Variants in AHDC1 observed in about 807,000 individuals in gnomAD.
The protein encoded by AHDC1 is transcription factor Gibbin.
AHDC1 carries 7 observed loss-of-function variants against 87.9 expected under a neutral mutation model. The observed-to-expected ratio is 0.08, with a 90% CI of 0.05 to 0.15. AHDC1 has a LOEUF of 0.15. AHDC1 is among the 10% of genes least tolerant of loss of function. The pLI, the probability that AHDC1 is intolerant of heterozygous loss-of-function variation, is 1.00. For missense variants in AHDC1, 1,841 were observed against 2,253.2 expected (o/e 0.82, Z 3.70); for synonymous variants, 1,051 against 1,006.8 (o/e 1.04, Z -0.83).
rs749024282 is a variant in AHDC1 at position 27,551,554 on chromosome 1, C to T, written c.562G>A (p.Ala188Thr). The T allele has an allele frequency of 8.1e-6, 13 of 1,607,258 alleles. No homozygotes were observed. The highest frequency in any genetic ancestry group is 3.3e-5 in the Admixed American group (2 of 59,826). ...RSPEERATPH[A>T]KSERPSHPLY... ...GGATGGCTGGGCCGCTCCGACTTGGCGTGTGGGGTGGCCCGCTCCTCAGGG... is the reference window on the plus strand; with the variant it reads ...GGATGGCTGGGCCGCTCCGACTTGGTGTGTGGGGTGGCCCGCTCCTCAGGG... Residue 188 changes from alanine to threonine, a missense_variant, in exon 8 of 9, where the codon GCC (alanine) becomes ACC (threonine). Transcript: ENST00000673934.
At position 27,549,870 on chromosome 1, in the gene AHDC1, G is replaced by A. The variant is rs1320028301; in HGVS notation, c.2246C>T (p.Thr749Ile). Residue 749 changes from threonine (T) to isoleucine (I), a missense_variant, in exon 8 of 9, where the codon ACT (threonine) becomes ATT (isoleucine). Around this residue, in one of 13 missense-constraint regions of AHDC1, gnomAD observed 236 missense variants for 257.9 expected, o/e 0.92. Coordinates refer to ENST00000673934, the MANE Select transcript of AHDC1 (RefSeq NM_001371928.1). ...KRKRRSRKNG[T>I]LFPEQVPSGP... Reference sequence around the variant, plus strand: ...ACTGGGCACCTGCTCTGGGAACAGAGTCCCATTCTTCCGGGACCGTCTCTT... The same window carrying A: ...ACTGGGCACCTGCTCTGGGAACAGAATCCCATTCTTCCGGGACCGTCTCTT... 6.2e-7 allele frequency: 1 copy of A among 1,613,578 alleles called. No homozygotes were observed. Among genetic ancestry groups the A allele is most frequent in the Non-Finnish European group, 8.5e-7 (1 of 1,179,750 alleles).
At position 27,561,777 on chromosome 1, in the gene AHDC1, T is replaced by C. The variant is rs189025128; in HGVS notation, c.-628-2894A>G. Among the ~76,000 whole-genome samples the C allele has an allele frequency of 4.9e-4, 72 of 146,656 alleles. No individual in the cohort carries two copies. Among genetic ancestry groups the C allele is most frequent in the Non-Finnish European group, 9.7e-4 (64 of 66,266 alleles). ...AGATACACAGGGAGACACAGAGACA[T>C]GGGGAGAGAAACAGAGACAGAGAGA... On this transcript the variant is annotated intron_variant, in intron 3 of 8. Coordinates refer to ENST00000673934, the MANE Select transcript of AHDC1 (RefSeq NM_001371928.1). The surrounding 1 kb of genome is among the most constrained non-coding windows in gnomAD (Gnocchi z 4.2).
Position 27,548,706 on chromosome 1 carries a change from C to T in AHDC1, c.3410G>A (p.Ser1137Asn), listed in dbSNP as rs548916155. The stretch of plus-strand genomic sequence containing the variant: ...GATGTCCAGGATCACGTTGGGCTCG[C>T]TGACGTGGCAGTCAAAACTGGGATT... ...LYNPSFDCHV[S>N]EPNVILDISN... Residue 1137 changes from serine (S) to asparagine (N), a missense_variant, in exon 8 of 9, where the codon AGC becomes AAC. By Grantham distance (46) the Ser-to-Asn change is conservative (BLOSUM62 1). Transcript: ENST00000673934. 1 of 1,613,384 alleles carries T rather than the reference C, an allele frequency of 6.2e-7. No homozygotes were observed. The highest frequency in any genetic ancestry group is 2.2e-5 in the East Asian group (1 of 44,888).
intron 5 of AHDC1, among the ~76,000 whole-genome samples, chr1:27,554,268 C>G (rs564176035): frequency 2.6e-5 from 4 of 152,304 alleles, no homozygotes; most frequent in African/African-American, 9.6e-5. Context: ...CTCTGCTGCT[C>G]CATCCTACCT....
In AHDC1 at chr1:27,588,596, C is replaced by T. The variant is rs151155813; in HGVS notation, c.-629+14801G>A. Among the ~76,000 whole-genome samples the T allele has an allele frequency of 7.2e-5, 11 of 152,260 alleles. No homozygotes were observed. In the East Asian group the frequency reaches 2.1e-3, roughly 29 times the overall value. On this transcript the variant is annotated intron_variant, in intron 3 of 8. Coordinates refer to ENST00000673934, the MANE Select transcript of AHDC1 (RefSeq NM_001371928.1). ...GTCAGGGCTAATCTGCAGCAGGCCA[C>T]ACTCTTGGCAGAGAGAGTGTTTATG...
rs1399025811 is a variant in AHDC1, at chr1:27,598,640, C to T, written c.-629+4757G>A. Among the ~76,000 whole-genome samples the T allele has an allele frequency of 1.3e-5, 2 of 152,176 alleles. No homozygotes were observed. The highest frequency in any genetic ancestry group is 1.3e-4 in the Admixed American group (2 of 15,290). On this transcript the variant is annotated intron_variant, in intron 3 of 8. Transcript: ENST00000673934. The surrounding 1 kb of genome is among the most constrained non-coding windows in gnomAD (Gnocchi z 4.2). Reference sequence around the variant, plus strand: ...GCCAACTGCACTGGGGCCATTCCCACCTCCATCTACCCATAGGGACGTGGG... The same window carrying T: ...GCCAACTGCACTGGGGCCATTCCCATCTCCATCTACCCATAGGGACGTGGG...
At chr1:27,544,081 T>C (rs1381209240) in intron 8 of AHDC1, among the ~76,000 whole-genome samples, 1 of 152,108 alleles carries the variant, frequency 6.6e-6, no homozygotes, top group Non-Finnish European at 1.5e-5. Context: ...TGGGTTCTAA[T>C]CCTGGCTCCA....
chr1:27,536,639 C>A (rs1052086389), intron 8 of AHDC1, among the ~76,000 whole-genome samples: 1 of 152,070 alleles, frequency 6.6e-6, no homozygotes, highest in Non-Finnish European at 1.5e-5. Flanking sequence ...TGAGCCAGAG[C>A]GCTGGGGGCA....
At chr1:27,556,884 C>A (rs2019839727) in intron 5 of AHDC1, among the ~76,000 whole-genome samples, 1 of 152,072 alleles carries the variant, frequency 6.6e-6, no homozygotes, top group Non-Finnish European at 1.5e-5. Flanking sequence ...CAACAGCCAT[C>A]CAACTAGATG....
intron 3 of AHDC1, among the ~76,000 whole-genome samples, chr1:27,592,253 C>T (rs934694242): frequency 1.3e-5 from 2 of 152,202 alleles, no homozygotes; most frequent in African/African-American, 4.8e-5. Context: ...TCCTCGCCAA[C>T]CACACCCCCT....
At chr1:27,574,118 T>G (rs138264250) in intron 3 of AHDC1, among the ~76,000 whole-genome samples, 1 of 152,232 alleles carries the variant, frequency 6.6e-6, no homozygotes, top group Non-Finnish European at 1.5e-5. Flanking sequence ...AGCAAGGAGA[T>G]GAGAGGAAGA....
At chr1:27,601,871 A>ACAG (rs1296542136) in intron 3 of AHDC1, among the ~76,000 whole-genome samples, 95 of 152,172 alleles carry the variant, frequency 6.2e-4, no homozygotes, top group Non-Finnish European at 9.9e-4. Context: ...GCCGGCGGCG[A>ACAG]CAGCAGCAGC....
At position 27,549,570 on chromosome 1, in the gene AHDC1, G is replaced by A; in HGVS notation, c.2546C>T (p.Ser849Phe). The change falls in exon 8 of 9, where the codon TCC (serine) becomes TTC (phenylalanine). Residue 849 changes from serine to phenylalanine, a missense_variant. Ser to Phe is a radical substitution (Grantham distance 155). Coordinates refer to ENST00000673934, the MANE Select transcript of AHDC1 (RefSeq NM_001371928.1). ...GAGGGCAAAGTCCAAGAGATCGGAG[G>A]AGTCATCCGAATCGAGCAGCGAGCG... ...YFRSLLDSDD[S>F]SDLLDFALSA... is the part of the protein sequence containing the mutation. The A allele has an allele frequency of 6.2e-7, 1 of 1,613,228 alleles. No individual in the cohort carries two copies. The highest frequency in any genetic ancestry group is 8.5e-7 in the Non-Finnish European group (1 of 1,180,010).
chr1:27,580,532 T>C (rs547835845), intron 3 of AHDC1, among the ~76,000 whole-genome samples: 58 of 152,366 alleles, frequency 3.8e-4, no homozygotes, highest in Middle Eastern at 6.8e-3. Flanking sequence ...AATCCTTGGC[T>C]AACCTTTGTG....
intron 3 of AHDC1, among the ~76,000 whole-genome samples, chr1:27,581,051 T>A (rs1204670328): frequency 6.6e-6 from 1 of 152,174 alleles, no homozygotes; most frequent in Non-Finnish European, 1.5e-5. Context: ...GCCAGGCTGA[T>A]CTCGAGCTCC....
At chr1:27,576,783 T>C (rs2088764137) in intron 3 of AHDC1, among the ~76,000 whole-genome samples, 1 of 152,156 alleles carries the variant, frequency 6.6e-6, no homozygotes, top group African/African-American at 2.4e-5. Flanking sequence ...CACCTCCATC[T>C]ACCCGTAGGG....
rs549556737 is a variant in AHDC1, at chr1:27,593,484, C to T, written c.-629+9913G>A. The stretch of plus-strand genomic sequence containing the variant: ...GATGGACCCATTCTCAGGGCGTAGC[C>T]GTGTGTCCCTCAGAACCCTAAGACC... On this transcript the variant is annotated intron_variant, in intron 3 of 8. Coordinates refer to ENST00000673934, the MANE Select transcript of AHDC1 (RefSeq NM_001371928.1). The surrounding 1 kb of genome is among the most constrained non-coding windows in gnomAD (Gnocchi z 4.9). Among the ~76,000 whole-genome samples, 6 of 152,206 alleles carry T rather than the reference C, an allele frequency of 3.9e-5. No homozygotes were observed. The East Asian group carries it at 5.8e-4, about 15-fold the overall frequency.
chr1:27,571,625 C>A (rs1208152276), intron 3 of AHDC1, among the ~76,000 whole-genome samples: 1 of 152,018 alleles, frequency 6.6e-6, no homozygotes, highest in African/African-American at 2.4e-5. Context: ...GGGGTGGCTG[C>A]TTCGGCCTCA....
At chr1:27,539,138 C>CTA (rs1248265407) in intron 8 of AHDC1, among the ~76,000 whole-genome samples, 3 of 125,364 alleles carry the variant, frequency 2.4e-5, no homozygotes, top group African/African-American at 9.0e-5. Context: ...TTTTTCTTTT[C>CTA]TTTTTTTTTT....
Sources: gnomAD v4.1 joint callset for allele counts (sites outside exome capture counted in the v4.1 genomes callset) on GRCh38, gnomAD v4.1.1 for gene constraint, gnomAD v4.1.1 regional missense constraint, Gnocchi (gnomAD v3.1) non-coding constraint, MANE v1.5 for transcripts, NCBI Gene and HGNC (gene_info 2026-07-23, HGNC 2026-07-21) for gene names.